RAD51B: variants seen among roughly 807,000 people sequenced by gnomAD.
RAD51B encodes the protein DNA repair protein RAD51 homolog 2.
In RAD51B, 38 loss-of-function variants were observed where a neutral mutation model predicts 42.2. The ratio of observed to expected loss-of-function variants is 0.90; its 90% CI spans 0.70 to 1.18. The LOEUF is 1.18. RAD51B is among the 50% of genes most tolerant of loss of function. The probability of loss-of-function intolerance (pLI) is 0.00; values close to 1 mark genes in which losing one functional copy is unlikely to be tolerated. For synonymous variants in RAD51B, 154 were observed against 145.2 expected (o/e 1.06, Z -0.43); for missense variants, 373 against 400.7 (o/e 0.93, Z 0.59).
At chr14:68,138,959 A>G (rs189761320) in intron 7 of RAD51B, among the ~76,000 whole-genome samples, 179 of 152,288 alleles carry the variant, frequency 1.2e-3, no homozygotes, top group African/African-American at 4.1e-3. Context: ...TTAGTGTGTT[A>G]TCTGTGGATG....
rs569814746 is a variant in RAD51B at position 68,426,698 on chromosome 14, AAG to A, written c.957+15176_957+15177del. Among the ~76,000 whole-genome samples the A allele has an allele frequency of 6.6e-5, 10 of 152,218 alleles. No homozygotes were observed. In the South Asian group the frequency reaches 1.2e-3, roughly 19 times the overall value. ...AGCCTGGTTGCCTGGTAGAGAAAGA[AAG>A]AGAGCATTTTCTGGAGAGGAAATGT... On this transcript the variant is annotated intron_variant, in intron 9 of 10. Coordinates refer to ENST00000471583, the MANE Select transcript of RAD51B (RefSeq NM_133510.4).
At chr14:68,604,378 A>AT (rs11449849) in intron 10 of RAD51B, among the ~76,000 whole-genome samples, 104,395 of 151,954 alleles carry the variant, frequency 0.69, 35,935 homozygotes, top group Middle Eastern at 0.82. Context: ...TATTCTAGAG[A>AT]TTTTTCAGCT....
rs188591245 is a variant in RAD51B, at chr14:68,310,261, C to T, written c.853+18281C>T. Among the ~76,000 whole-genome samples, 11 of 152,286 alleles carry T rather than the reference C, an allele frequency of 7.2e-5. No homozygotes were observed. In the East Asian group the frequency reaches 1.7e-3, roughly 24 times the overall value. ...GGGTGGTGTTGGGTAGAAGTAAGAT[C>T]AGATACCCTGCTCACTGTAGGATGG... is the stretch of plus-strand genomic sequence containing the variant. On this transcript the variant is annotated intron_variant, in intron 8 of 10. Transcript: ENST00000471583.
At chr14:68,169,024 T>C (rs969215539) in intron 7 of RAD51B, among the ~76,000 whole-genome samples, 3 of 152,196 alleles carry the variant, frequency 2.0e-5, no homozygotes, top group African/African-American at 7.2e-5. Context: ...CCTGGCTCTC[T>C]CCTATTTCAG....
chr14:68,506,682 C>G (rs1404514877), intron 10 of RAD51B, among the ~76,000 whole-genome samples: 1 of 152,144 alleles, frequency 6.6e-6, no homozygotes, highest in Admixed American at 6.5e-5. Context: ...TAGGCGCTCT[C>G]ATTTATACAT....
chr14:68,365,031 C>T (rs1219017002), intron 8 of RAD51B, among the ~76,000 whole-genome samples: 5 of 152,044 alleles, frequency 3.3e-5, no homozygotes, highest in African/African-American at 9.7e-5. Flanking sequence ...TGAAGGTTAG[C>T]GTGGCAGGAA....
intron 7 of RAD51B, among the ~76,000 whole-genome samples, chr14:68,099,336 T>C (rs1205789902): frequency 1.3e-5 from 2 of 152,232 alleles, no homozygotes; most frequent in African/African-American, 4.8e-5. Flanking sequence ...AGGTTATAGA[T>C]GTCTGTGAAA....
At chr14:68,396,289 G>T (rs887297697) in intron 8 of RAD51B, among the ~76,000 whole-genome samples, 1 of 152,172 alleles carries the variant, frequency 6.6e-6, no homozygotes, top group Non-Finnish European at 1.5e-5. Context: ...GTACTATGTC[G>T]TTGTCCCTCT....
At chr14:68,548,644 C>T (rs576089904) in intron 10 of RAD51B, among the ~76,000 whole-genome samples, 159 of 152,308 alleles carry the variant, frequency 1.0e-3, no homozygotes, top group African/African-American at 3.5e-3. Context: ...GATGTCTGTG[C>T]GTTCTGGGCC....
chr14:68,129,151 G>T (rs2077833897), intron 7 of RAD51B, among the ~76,000 whole-genome samples: 1 of 152,148 alleles, frequency 6.6e-6, no homozygotes, highest in African/African-American at 2.4e-5. Flanking sequence ...ATTTGTTTAA[G>T]GTTACACAGC....
intron 10 of RAD51B, chr14:68,469,005 C>A: frequency 2.5e-6 from 1 of 401,156 alleles, no homozygotes; most frequent in Non-Finnish European, 5.4e-6. Flanking sequence ...AAGAGTCAGC[C>A]CACAATGTCA....
chr14:68,421,315 A>G (rs2084693189), intron 9 of RAD51B, among the ~76,000 whole-genome samples: 1 of 151,998 alleles, frequency 6.6e-6, no homozygotes, highest in Admixed American at 6.6e-5. Flanking sequence ...CTGCTGTGAG[A>G]TGCTACGCCG....
rs531563458 is a variant in RAD51B, at chr14:68,083,699, A to G, written c.756+196495A>G. Among the ~76,000 whole-genome samples, 14 of 152,348 alleles carry G rather than the reference A, an allele frequency of 9.2e-5. No homozygotes were observed. In the East Asian group the frequency reaches 1.9e-3, roughly 21 times the overall value. Reference sequence around the variant, plus strand: ...GAATATTTCATATTTCTTGATAGAAAAAAAGTAAGTTGCCATTCATGCAAG... The same window carrying G: ...GAATATTTCATATTTCTTGATAGAAGAAAAGTAAGTTGCCATTCATGCAAG... On this transcript the variant is annotated intron_variant, in intron 7 of 10. Coordinates refer to ENST00000471583, the MANE Select transcript of RAD51B (RefSeq NM_133510.4).
At chr14:68,247,208 C>A (rs1206112425) in intron 7 of RAD51B, among the ~76,000 whole-genome samples, 1 of 151,592 alleles carries the variant, frequency 6.6e-6, no homozygotes, top group African/African-American at 2.4e-5. Flanking sequence ...CTTTATTCAC[C>A]AGCATTTTGG....
intron 7 of RAD51B, among the ~76,000 whole-genome samples, chr14:67,947,337 T>C (rs775718118): frequency 7.9e-5 from 12 of 152,188 alleles, no homozygotes; most frequent in Non-Finnish European, 1.6e-4. Context: ...ATGTTTAGCT[T>C]TCATTCATGG....
chr14:68,180,311 A>G (rs2140881353), intron 7 of RAD51B, among the ~76,000 whole-genome samples: 1 of 152,252 alleles, frequency 6.6e-6, no homozygotes, highest in African/African-American at 2.4e-5. Flanking sequence ...TGTTTATCCT[A>G]CAGCCTGCTT....
intron 7 of RAD51B, among the ~76,000 whole-genome samples, chr14:68,184,768 A>G (rs1260278338): frequency 6.6e-6 from 1 of 152,218 alleles, no homozygotes; most frequent in African/African-American, 2.4e-5. Context: ...TGTAAATGGA[A>G]ACAAAATATG....
At chr14:68,607,764 G>A (rs561193056) in intron 10 of RAD51B, among the ~76,000 whole-genome samples, 3 of 152,284 alleles carry the variant, frequency 2.0e-5, no homozygotes, top group South Asian at 4.1e-4. Context: ...CCGGGGAGGC[G>A]CACTCTAAGG....
intron 10 of RAD51B, among the ~76,000 whole-genome samples, chr14:68,470,004 GA>G (rs1182297060): frequency 3.1e-4 from 47 of 152,296 alleles, no homozygotes; most frequent in Non-Finnish European, 1.5e-4. Context: ...AGAGGGAAGA[GA>G]AAGTTATTTA....
Sources: gnomAD v4.1 joint callset for allele counts (sites outside exome capture counted in the v4.1 genomes callset) on GRCh38, gnomAD v4.1.1 for gene constraint, MANE v1.5 for transcripts, NCBI Gene and HGNC (gene_info 2026-07-23, HGNC 2026-07-21) for gene names.